ARFIP1: variants seen among roughly 807,000 people sequenced by gnomAD.
ARFIP1 encodes the protein ARF interacting protein 1, also known as arfaptin-1.
ARFIP1 carries 24 observed loss-of-function variants against 42.5 expected under a neutral mutation model. The ratio of observed to expected loss-of-function variants is 0.57; its 90% CI spans 0.41 to 0.80. The LOEUF (loss-of-function observed/expected upper bound fraction) is 0.80, where lower values mean the gene tolerates loss of function less well. ARFIP1 is among the 30% of genes least tolerant of loss of function. ARFIP1 has a pLI of 0.00. For synonymous variants in ARFIP1, 141 were observed against 153.7 expected (o/e 0.92, Z 0.61); for missense variants, 354 against 434.0 (o/e 0.82, Z 1.64).
At chr4:152,807,331 T>G (rs1729069064) in intron 1 of ARFIP1, 1 of 152,226 alleles carries the variant, frequency 6.6e-6, no homozygotes, top group South Asian at 2.1e-4. Context: ...TATATTTACC[T>G]TTACAAGAAA....
At position 152,879,687 on chromosome 4, in the gene ARFIP1, T is replaced by C. The variant is rs140774560; in HGVS notation, c.412-1276T>C. Among the ~76,000 whole-genome samples the C allele has an allele frequency of 4.2e-4, 64 of 152,018 alleles. No individual in the cohort carries two copies. In the East Asian group the frequency reaches 0.012, roughly 29 times the overall value. ...CAACATGGAGAAACCCCGTCTCTAT[T>C]AAAAATACAAAATTAGCCACGTGTG... On this transcript the variant is annotated intron_variant, in intron 5 of 8. Transcript: ENST00000353617.
At chr4:152,869,505 AGTG>A (rs1200411853) in intron 3 of ARFIP1, among the ~76,000 whole-genome samples, 5 of 149,294 alleles carry the variant, frequency 3.3e-5, no homozygotes, top group Non-Finnish European at 7.4e-5. Context: ...GTTGGAGTGC[AGTG>A]GTGCGATCTT....
chr4:152,906,038 CAA>C (rs1738332153), intron 8 of ARFIP1, among the ~76,000 whole-genome samples: 1 of 152,010 alleles, frequency 6.6e-6, no homozygotes, highest in African/African-American at 2.4e-5. Context: ...TTTGCCAAAC[CAA>C]AGATCATTAA....
At chr4:152,784,914 C>G (rs1003206508) in intron 1 of ARFIP1, among the ~76,000 whole-genome samples, 2 of 152,176 alleles carry the variant, frequency 1.3e-5, no homozygotes, top group Non-Finnish European at 2.9e-5. Flanking sequence ...CTCATTGGTC[C>G]CTGGGGAACA....
At chr4:152,891,249 T>C (rs1347672320) in intron 8 of ARFIP1, among the ~76,000 whole-genome samples, 2 of 152,242 alleles carry the variant, frequency 1.3e-5, no homozygotes, top group African/African-American at 4.8e-5. Context: ...ATAGCATAGA[T>C]ATTCTTTGTT....
At position 152,872,570 on chromosome 4, in the gene ARFIP1, T is replaced by C. The variant is rs1734981929; in HGVS notation, c.411+6T>C. The C allele has an allele frequency of 3.3e-6, 5 of 1,508,334 alleles. No homozygotes were observed. Among genetic ancestry groups the C allele is most frequent in the Non-Finnish European group, 4.5e-6 (5 of 1,105,500 alleles). 93.4% of individuals were successfully genotyped at this position (1,508,334 alleles called of 1,614,324 possible). On this transcript the variant is annotated splice_donor_region_variant and intron_variant, in intron 5 of 8. Transcript: ENST00000353617. The stretch of plus-strand genomic sequence containing the variant: ...GGAGTCTAAACACCTATAAGGTTTG[T>C]AATTATTTAATGTTTCCACCCTAAA...
chr4:152,874,332 C>G (rs2149886147), intron 5 of ARFIP1, among the ~76,000 whole-genome samples: 1 of 152,258 alleles, frequency 6.6e-6, no homozygotes, highest in South Asian at 2.1e-4. Flanking sequence ...GCATTATTTT[C>G]TTTAAACCTT....
chr4:152,907,640 A>G (rs1738479366), intron 8 of ARFIP1, among the ~76,000 whole-genome samples: 1 of 152,172 alleles, frequency 6.6e-6, no homozygotes, highest in Non-Finnish European at 1.5e-5. Context: ...GTGGAATCCT[A>G]CCACAGGCAT....
chr4:152,819,091 C>T (rs1007839700), intron 1 of ARFIP1, among the ~76,000 whole-genome samples: 1 of 152,126 alleles, frequency 6.6e-6, no homozygotes, highest in African/African-American at 2.4e-5. Context: ...TGGCCCTGCC[C>T]ATTACCTGAG....
intron 1 of ARFIP1, chr4:152,796,241 T>G: frequency 1.0e-6 from 1 of 984,780 alleles, no homozygotes; most frequent in Non-Finnish European, 1.6e-6. Flanking sequence ...TGACGGATTC[T>G]TCTTTACACC....
chr4:152,846,230 G>A (rs369867643), intron 2 of ARFIP1, among the ~76,000 whole-genome samples: 3 of 152,250 alleles, frequency 2.0e-5, no homozygotes, highest in South Asian at 4.1e-4. Context: ...AGGGGGCAAA[G>A]GGTGAAAAAC....
chr4:152,846,865 G>A (rs1367330819), intron 2 of ARFIP1, among the ~76,000 whole-genome samples: 5 of 151,850 alleles, frequency 3.3e-5, no homozygotes, highest in African/African-American at 4.8e-5. Flanking sequence ...AGGTTATTAC[G>A]TTGTCGTAAC....
At position 152,793,255 on chromosome 4, in the gene ARFIP1, T is replaced by G. The variant is rs1731236856; in HGVS notation, c.-10+13029T>G. ...GAAGTGGATCAGAGCACTTAAAGAATGAGCCGAGATAGCACCATCGTACTC... is the reference window on the plus strand; with the variant it reads ...GAAGTGGATCAGAGCACTTAAAGAAGGAGCCGAGATAGCACCATCGTACTC... On this transcript the variant is annotated intron_variant, in intron 1 of 8. Coordinates refer to ENST00000353617, the MANE Select transcript of ARFIP1 (RefSeq NM_001025595.3). Among the ~76,000 whole-genome samples, 2 of 149,284 alleles carry G rather than the reference T, an allele frequency of 1.3e-5. 1 individual carries two copies. The highest frequency in any genetic ancestry group is 4.2e-4 in the South Asian group (2 of 4,778).
At chr4:152,800,700 A>G (rs1185509759) in intron 1 of ARFIP1, among the ~76,000 whole-genome samples, 2 of 152,352 alleles carry the variant, frequency 1.3e-5, no homozygotes, top group Admixed American at 6.5e-5. Context: ...AGGAAAATAT[A>G]CAGATATTTG....
At chr4:152,783,378 A>G (rs1479987026) in intron 1 of ARFIP1, among the ~76,000 whole-genome samples, 4 of 152,310 alleles carry the variant, frequency 2.6e-5, no homozygotes, top group African/African-American at 9.6e-5. Context: ...ACAAATTCGG[A>G]AGATATTTTA....
At chr4:152,906,765 C>A (rs1355063660) in intron 8 of ARFIP1, among the ~76,000 whole-genome samples, 1 of 152,186 alleles carries the variant, frequency 6.6e-6, no homozygotes, top group East Asian at 1.9e-4. Context: ...CAACCCATTA[C>A]CTGTCTTACC....
intron 8 of ARFIP1, among the ~76,000 whole-genome samples, chr4:152,893,211 A>T (rs1737010488): frequency 6.6e-6 from 1 of 152,172 alleles, no homozygotes; most frequent in Admixed American, 6.6e-5. Flanking sequence ...CACTACAGGG[A>T]TTGGAAGGAG....
At chr4:152,796,548 C>T (rs567345206) in intron 1 of ARFIP1, 35 of 781,020 alleles carry the variant, frequency 4.5e-5, no homozygotes, top group South Asian at 5.6e-5. Context: ...TACTTTAGCT[C>T]GAGATTGTCT....
At chr4:152,846,624 A>AT (rs1370225507) in intron 2 of ARFIP1, among the ~76,000 whole-genome samples, 2 of 152,136 alleles carry the variant, frequency 1.3e-5, no homozygotes, top group Admixed American at 6.5e-5. Context: ...CTCCAAATTC[A>AT]TTTTTCTATT....
Sources: gnomAD v4.1 joint callset for allele counts (sites outside exome capture counted in the v4.1 genomes callset) on GRCh38, gnomAD v4.1.1 for gene constraint, MANE v1.5 for transcripts, NCBI Gene and HGNC (gene_info 2026-07-23, HGNC 2026-07-21) for gene names.